Variants in SPDYE16 observed in about 807,000 individuals in gnomAD.
SPDYE16 encodes the protein speedy/RINGO cell cycle regulator family member E16, also known as speedy protein E16.
Under a neutral mutation model 40.1 loss-of-function variants are expected in SPDYE16, and 5 were observed. That is an observed-to-expected ratio of 0.12 (90% confidence interval 0.07 to 0.26). The LOEUF is 0.26. SPDYE16 is among the 10% of genes least tolerant of loss of function. SPDYE16 has a pLI of 1.00. For missense variants in SPDYE16, 98 were observed against 409.8 expected, an observed-to-expected ratio of 0.24 and a Z score of 6.57; for synonymous variants, 40 against 154.2, an observed-to-expected ratio of 0.26 and a Z score of 5.49.
At chr7:76,542,026 A>ATCACGTG (rs1563775800) in intron 1 of SPDYE16, among the ~76,000 whole-genome samples, 146 bp from the exon 2 acceptor site, 13 of 119,986 alleles carry the variant, frequency 1.1e-4, no homozygotes, top group Non-Finnish European at 1.7e-4. Flanking sequence ...ATTATCATGT[A>ATCACGTG]CAAGAGTGAG....
chr7:76,534,168 C>G (rs1812986500), intron 6 of SPDYE16, 49 bp from the exon 7 acceptor site: 1 of 1,590,700 alleles, frequency 6.3e-7, no homozygotes, highest in Admixed American at 1.7e-5. Context: ...CAGGAGAGGC[C>G]TCCGGCTGAG....
intron 1 of SPDYE16, among the ~76,000 whole-genome samples, 184 bp from the exon 2 acceptor site, chr7:76,542,064 A>ACG (rs1813204580): frequency 1.3e-5 from 2 of 151,214 alleles, no homozygotes; most frequent in Non-Finnish European, 2.9e-5. Flanking sequence ...TGAGATTATC[A>ACG]TGTACAAGAG....
chr7:76,538,281 G>A (rs1813079617), intron 4 of SPDYE16, among the ~76,000 whole-genome samples: 1 of 83,568 alleles, frequency 1.2e-5, no homozygotes, highest in South Asian at 4.2e-4. Flanking sequence ...GCTCACTGCA[G>A]CCTCAAAGTC....
chr7:76,538,346 G>A (rs542305981), intron 4 of SPDYE16, among the ~76,000 whole-genome samples: 5 of 24,812 alleles, frequency 2.0e-4, no homozygotes, highest in African/African-American at 5.1e-4. Flanking sequence ...GATCTCAGGC[G>A]TGAGCCACTG....
intron 2 of SPDYE16, 58 bp downstream of exon 2, chr7:76,541,242 C>T: frequency 1.3e-6 from 2 of 1,497,626 alleles, no homozygotes; most frequent in Non-Finnish European, 1.8e-6. Context: ...CCGCACCTGG[C>T]CCCCTTCCTT....
chr7:76,535,477 ACCTGAACTGTGG>A lies in SPDYE16; in HGVS notation c.755+683_755+694del, dbSNP rs1315036737. On this transcript the variant is annotated intron_variant, in intron 6 of 8. Transcript: ENST00000633306. ...AGTGGATTCAAGTGATGCGAGGGGGACCTGAACTGTGGCCTCTGTCATGGGAACCCAGAGGAG... is the reference window on the plus strand; with the variant it reads ...AGTGGATTCAAGTGATGCGAGGGGGACCTCTGTCATGGGAACCCAGAGGAG... Among the ~76,000 whole-genome samples, 4 of 77,008 alleles carry A rather than the reference ACCTGAACTGTGG, an allele frequency of 5.2e-5. 1 individual carries two copies. The highest frequency in any genetic ancestry group is 4.9e-4 in the Admixed American group (4 of 8,102). 50.5% of individuals were successfully genotyped at this position (77,008 alleles called of 152,430 possible).
chr7:76,540,974 C>CT lies in SPDYE16; in HGVS notation c.160+325dup, dbSNP rs1292373639. 7.9e-3 allele frequency among the ~76,000 whole-genome samples: 900 copies of CT among 113,436 alleles called. 16 individuals are homozygous for CT. The highest frequency in any genetic ancestry group is 0.048 in the East Asian group (167 of 3,504). 74.4% of individuals were successfully genotyped at this position (113,436 alleles called of 152,430 possible). On this transcript the variant is annotated intron_variant, in intron 2 of 8. Coordinates refer to ENST00000633306, the MANE Select transcript of SPDYE16 (RefSeq NM_001394943.1). ...GCTGACCCTTCTTTTCTTTTCTTTTCTTTTTTTTTTTTTTTTGGAGTGCAG... is the reference window on the plus strand; with the variant it reads ...GCTGACCCTTCTTTTCTTTTCTTTTCTTTTTTTTTTTTTTTTTGGAGTGCAG...
In SPDYE16 at chr7:76,539,836, G is replaced by C. The variant is rs1326239918; in HGVS notation, c.379+292C>G. On this transcript the variant is annotated intron_variant, in intron 3 of 8. Coordinates refer to ENST00000633306, the MANE Select transcript of SPDYE16 (RefSeq NM_001394943.1). Reference sequence around the variant, plus strand: ...GCTCACTGCAGTCTCAAAGTCCTGAGTTCAAGCAATCCTCTTGCCTCAGCC... The same window carrying C: ...GCTCACTGCAGTCTCAAAGTCCTGACTTCAAGCAATCCTCTTGCCTCAGCC... Among the ~76,000 whole-genome samples, 14 of 114,580 alleles carry C rather than the reference G, an allele frequency of 1.2e-4. 3 individuals carry two copies. The highest frequency in any genetic ancestry group is 4.2e-4 in the Admixed American group (5 of 11,996). 75.2% of individuals were successfully genotyped at this position (114,580 alleles called of 152,430 possible). A position where few individuals can be genotyped will look rare whatever the true frequency, so the allele number is the denominator to read the frequency against.
chr7:76,532,114 G>A lies in SPDYE16; in HGVS notation c.*726C>T, dbSNP rs1232266611. 7.5e-5 allele frequency: 6 copies of A among 79,530 alleles called. 3 individuals are homozygous for A. Among genetic ancestry groups the A allele is most frequent in the Non-Finnish European group, 1.5e-4 (6 of 41,062 alleles). The allele number at this position is 79,530 out of a possible 1,614,324, so 4.9% of individuals were successfully genotyped here. On this transcript the variant is annotated 3_prime_UTR_variant, in exon 9 of 9. Coordinates refer to ENST00000633306, the MANE Select transcript of SPDYE16 (RefSeq NM_001394943.1). ...TAGATAAAAAGAGTGCTCACTTCAGGAGCACATATAATAATACAGAAACAA... is the reference window on the plus strand; with the variant it reads ...TAGATAAAAAGAGTGCTCACTTCAGAAGCACATATAATAATACAGAAACAA...
At chr7:76,542,002 T>TACAAGAGTGAGATTATCAC (rs1563775749) in intron 1 of SPDYE16, among the ~76,000 whole-genome samples, 122 bp from the exon 2 acceptor site, 110 of 69,988 alleles carry the variant, frequency 1.6e-3, no homozygotes, top group African/African-American at 6.5e-3. Context: ...GAGATTATCA[T>TACAAGAGTGAGATTATCAC]GTACAAGAGT....
rs374948493 is a variant in SPDYE16, at chr7:76,532,470, G to A, written c.*370C>T. 4 of 210,858 alleles carry A rather than the reference G, an allele frequency of 1.9e-5. 1 individual carries two copies. The highest frequency in any genetic ancestry group is 2.8e-4 in the East Asian group (2 of 7,044). The allele number at this position is 210,858 out of a possible 1,614,324, so 13.1% of individuals were successfully genotyped here. A position where few individuals can be genotyped will look rare whatever the true frequency, so the allele number is the denominator to read the frequency against. On this transcript the variant is annotated 3_prime_UTR_variant, in exon 9 of 9. Transcript: ENST00000633306. Reference sequence around the variant, plus strand: ...CTCCTGGACTGTGGCAACCAAGTCCGTAAGAAACAGGACCTCAGGTTCCGC... The same window carrying A: ...CTCCTGGACTGTGGCAACCAAGTCCATAAGAAACAGGACCTCAGGTTCCGC...
chr7:76,542,044 T>TACAAGAGTGAGATTATCAC (rs1813203296), intron 1 of SPDYE16, among the ~76,000 whole-genome samples, 164 bp from the exon 2 acceptor site: 6 of 85,214 alleles, frequency 7.0e-5, no homozygotes, highest in African/African-American at 1.1e-4. Context: ...GAGATTATCA[T>TACAAGAGTGAGATTATCAC]GTACAAGAGT....
At chr7:76,539,815 A>C (rs1287444309) in intron 3 of SPDYE16, among the ~76,000 whole-genome samples, 1 of 113,622 alleles carries the variant, frequency 8.8e-6, no homozygotes, top group African/African-American at 4.5e-5. Context: ...GTCATAGCTC[A>C]CTGCAGTCTC....
At chr7:76,537,153 CCTGGCCAACATGGCAAAACCCCGTTT>C in intron 5 of SPDYE16, among the ~76,000 whole-genome samples, 1 of 43,282 alleles carries the variant, frequency 2.3e-5, no homozygotes, top group African/African-American at 1.3e-4. Context: ...TCAGGACCAA[CCTGGCCAACATGGCAAAACCCCGTTT>C]CTACTAAAAA....
chr7:76,541,151 C>T, intron 2 of SPDYE16, 149 bp downstream of exon 2: 2 of 1,187,354 alleles, frequency 1.7e-6, no homozygotes, highest in South Asian at 1.6e-5. Flanking sequence ...ACCATATTGG[C>T]CAGGCTGGCC....
chr7:76,541,289 A>G lies in SPDYE16; in HGVS notation c.160+11T>C, dbSNP rs1813176451. The G allele has an allele frequency of 4.6e-6, 7 of 1,533,536 alleles. No individual in the cohort carries two copies. Among genetic ancestry groups the G allele is most frequent in the South Asian group, 2.4e-5 (2 of 83,928 alleles). The allele number at this position is 1,533,536 out of a possible 1,614,324, so 95.0% of individuals were successfully genotyped here. On this transcript the variant is annotated intron_variant, in intron 2 of 8. Transcript: ENST00000633306. ...ATCCTATCCCACCTCTTCTTCCACCAGTCCCCTCACCTGATGATCCCAACA... is the reference window on the plus strand; with the variant it reads ...ATCCTATCCCACCTCTTCTTCCACCGGTCCCCTCACCTGATGATCCCAACA...
intron 4 of SPDYE16, among the ~76,000 whole-genome samples, 195 bp downstream of exon 4, chr7:76,538,391 T>G (rs3972805): frequency 6.8e-6 from 1 of 146,550 alleles, no homozygotes; most frequent in Non-Finnish European, 1.5e-5. Flanking sequence ...TTATCCCAAG[T>G]TCTGACCTTT....
intron 3 of SPDYE16, among the ~76,000 whole-genome samples, chr7:76,539,479 G>C (rs1222180232): frequency 5.5e-5 from 4 of 72,816 alleles, no homozygotes; most frequent in Non-Finnish European, 9.9e-5. Flanking sequence ...TTTTGAGAGA[G>C]CGTCTCACTC....
intron 1 of SPDYE16, among the ~76,000 whole-genome samples, 86 bp downstream of exon 1, chr7:76,543,090 C>T (rs1202765127): frequency 1.4e-5 from 2 of 147,946 alleles, no homozygotes; most frequent in African/African-American, 4.9e-5. Flanking sequence ...ACTCATGGTG[C>T]GCAGGTTGCA....
Sources: allele counts gnomAD v4.1 joint callset (sites outside exome capture counted in the v4.1 genomes callset), GRCh38; gene constraint gnomAD v4.1.1; transcripts MANE v1.5; gene names NCBI Gene and HGNC (gene_info 2026-07-23, HGNC 2026-07-21).